CCDC192: variants seen among roughly 807,000 people sequenced by gnomAD.
CCDC192 encodes coiled-coil domain containing 192.
intron 6 of CCDC192, among the ~76,000 whole-genome samples, chr5:127,911,265 C>T (rs1480197348): frequency 6.6e-6 from 1 of 152,170 alleles, no homozygotes. Flanking sequence ...CACAGTGTCT[C>T]TAACCCCAAG....
chr5:127,920,339 A>G (rs992710169), intron 6 of CCDC192, among the ~76,000 whole-genome samples: 27 of 151,802 alleles, frequency 1.8e-4, no homozygotes, highest in East Asian at 3.9e-4. Flanking sequence ...ATCATCATCA[A>G]TGATGATGAT....
chr5:127,784,709 C>T lies in CCDC192; in HGVS notation c.223-12394C>T, dbSNP rs924576972. The T allele has an allele frequency of 2.9e-5, 18 of 613,926 alleles. 2 individuals are homozygous for T. Among genetic ancestry groups the T allele is most frequent in the Middle Eastern group, 3.0e-4 (1 of 3,346 alleles). 38.0% of individuals were successfully genotyped at this position (613,926 alleles called of 1,614,324 possible). On this transcript the variant is annotated intron_variant, in intron 3 of 6. Coordinates refer to ENST00000514853, the MANE Select transcript of CCDC192 (RefSeq NM_001317938.2). Reference sequence around the variant, plus strand: ...TCAATGCATTTCTTGATCAGGGACCCGGGATTTGAACCTGGAGGATAGCTG... The same window carrying T: ...TCAATGCATTTCTTGATCAGGGACCTGGGATTTGAACCTGGAGGATAGCTG...
chr5:127,745,971 T>C (rs1233047456), intron 2 of CCDC192, among the ~76,000 whole-genome samples: 3 of 152,248 alleles, frequency 2.0e-5, no homozygotes, highest in African/African-American at 7.2e-5. Context: ...CCCAGACCTC[T>C]ATCTTTATGT....
intron 1 of CCDC192, among the ~76,000 whole-genome samples, chr5:127,706,412 A>G (rs1007022407): frequency 1.3e-5 from 2 of 151,098 alleles, no homozygotes; most frequent in African/African-American, 2.4e-5. Flanking sequence ...CTGTAATCCC[A>G]GTTACTCGGG....
chr5:127,768,559 A>G (rs894531328), intron 3 of CCDC192, among the ~76,000 whole-genome samples: 2 of 152,118 alleles, frequency 1.3e-5, no homozygotes, highest in African/African-American at 4.8e-5. Flanking sequence ...GAGATAATAA[A>G]TTTTTGTTGT....
At chr5:127,792,670 C>T (rs1330745064) in intron 3 of CCDC192, among the ~76,000 whole-genome samples, 1 of 151,522 alleles carries the variant, frequency 6.6e-6, no homozygotes, top group African/African-American at 2.4e-5. Flanking sequence ...TGTGCTGTTG[C>T]ACTCCAGCTT....
At position 127,821,138 on chromosome 5, in the gene CCDC192, G is replaced by A. The variant is rs80189691; in HGVS notation, c.411+22976G>A. ...TGTGCTGGTAAATGTTTAACAACCA[G>A]CTTTGGTGGAAGGTGGATGATTTAT... is the stretch of plus-strand genomic sequence containing the variant. On this transcript the variant is annotated intron_variant, in intron 5 of 6. Transcript: ENST00000514853. Among the ~76,000 whole-genome samples, 35 of 152,274 alleles carry A rather than the reference G, an allele frequency of 2.3e-4. No homozygotes were observed. In the East Asian group the frequency reaches 6.6e-3, roughly 29 times the overall value.
At chr5:127,810,447 A>G (rs889536124) in intron 5 of CCDC192, among the ~76,000 whole-genome samples, 2 of 152,200 alleles carry the variant, frequency 1.3e-5, no homozygotes, top group Non-Finnish European at 2.9e-5. Flanking sequence ...ATGAGACCAC[A>G]TTAATTACAA....
At chr5:127,722,642 G>A (rs542672112) in intron 2 of CCDC192, among the ~76,000 whole-genome samples, 44 of 152,124 alleles carry the variant, frequency 2.9e-4, no homozygotes, top group Non-Finnish European at 1.5e-4. Flanking sequence ...TGTGTATGGC[G>A]AAACATAGGG....
intron 6 of CCDC192, among the ~76,000 whole-genome samples, chr5:127,918,125 A>C (rs373675452): frequency 4.6e-5 from 7 of 151,614 alleles, no homozygotes; most frequent in South Asian, 2.1e-4. Flanking sequence ...ACAGAGCAAG[A>C]CCCTGTCTCA....
In CCDC192 at chr5:127,897,407, A is replaced by G. The variant is rs1014437722; in HGVS notation, c.535+21746A>G. Among the ~76,000 whole-genome samples, 6 of 152,200 alleles carry G rather than the reference A, an allele frequency of 3.9e-5. No homozygotes were observed. In the East Asian group the frequency reaches 7.7e-4, roughly 20 times the overall value. On this transcript the variant is annotated intron_variant, in intron 6 of 6. Coordinates refer to ENST00000514853, the MANE Select transcript of CCDC192 (RefSeq NM_001317938.2). ...AAAAGTAGCACCAGATAAAGGGAAA[A>G]GAAAGTTCATTGAAGTATTTAGCTG... is the stretch of plus-strand genomic sequence containing the variant.
At chr5:127,906,950 T>G (rs542260495) in intron 6 of CCDC192, among the ~76,000 whole-genome samples, 18 of 152,352 alleles carry the variant, frequency 1.2e-4, no homozygotes, top group African/African-American at 4.3e-4. Flanking sequence ...TACATTCTTA[T>G]CAGCAGTGCA....
At chr5:127,738,299 C>T (rs543248417) in intron 2 of CCDC192, among the ~76,000 whole-genome samples, 3,479 of 131,738 alleles carry the variant, frequency 0.026, 75 homozygotes, top group South Asian at 0.041. Flanking sequence ...CCAAGAGATC[C>T]GCTGTTAGTC....
In CCDC192 at chr5:127,920,573, G is replaced by T. The variant is rs532259777; in HGVS notation, c.536-20609G>T. Among the ~76,000 whole-genome samples, 3 of 151,770 alleles carry T rather than the reference G, an allele frequency of 2.0e-5. No homozygotes were observed. In the South Asian group the frequency reaches 6.3e-4, roughly 32 times the overall value. On this transcript the variant is annotated intron_variant, in intron 6 of 6. Coordinates refer to ENST00000514853, the MANE Select transcript of CCDC192 (RefSeq NM_001317938.2). ...TTACAGGTGCTTGCCACCACACCTG[G>T]CTAATTTTTGTATTTTTAGTAGAGA...
chr5:127,865,125 C>T (rs245177), intron 5 of CCDC192, among the ~76,000 whole-genome samples: 100,418 of 151,914 alleles, frequency 0.66, 33,261 homozygotes, highest in Non-Finnish European at 0.69. Flanking sequence ...CCAGCCTGGG[C>T]GACAGAGCGA....
chr5:127,921,058 A>T (rs1753699070), intron 6 of CCDC192, among the ~76,000 whole-genome samples: 1 of 128,840 alleles, frequency 7.8e-6, no homozygotes, highest in Admixed American at 7.3e-5. Flanking sequence ...GGAAGGAGGA[A>T]GGAGGAAGCA....
intron 6 of CCDC192, among the ~76,000 whole-genome samples, chr5:127,928,156 G>A (rs755532664): frequency 6.6e-6 from 1 of 152,050 alleles, no homozygotes; most frequent in Non-Finnish European, 1.5e-5. Flanking sequence ...TCGAACTCAG[G>A]TAATCCGCCT....
intron 3 of CCDC192, chr5:127,785,594 G>T (rs549110842): frequency 6.1e-5 from 10 of 163,836 alleles, no homozygotes; most frequent in African/African-American, 1.7e-4. Context: ...ATGGTTACTG[G>T]CATCATCATT....
intron 6 of CCDC192, among the ~76,000 whole-genome samples, chr5:127,876,664 G>A (rs1752092862): frequency 6.6e-6 from 1 of 152,144 alleles, no homozygotes; most frequent in Non-Finnish European, 1.5e-5. Context: ...ACATGCCATC[G>A]TTCTTACTCT....
Sources: allele counts gnomAD v4.1 joint callset (sites outside exome capture counted in the v4.1 genomes callset), GRCh38; gene constraint gnomAD v4.1.1; transcripts MANE v1.5; gene names NCBI Gene and HGNC (gene_info 2026-07-23, HGNC 2026-07-21).